Variants in FHIT observed in about 807,000 individuals in gnomAD.
FHIT encodes the protein bis(5'-adenosyl)-triphosphatase.
Under a neutral mutation model 17.9 loss-of-function variants are expected in FHIT, and 19 were observed. The ratio of observed to expected loss-of-function variants is 1.06; its 90% CI spans 0.74 to 1.56. FHIT has a LOEUF of 1.56. FHIT is among the 40% of genes most tolerant of loss of function. The pLI is 0.00. For missense variants in FHIT, 248 were observed against 189.2 expected (o/e 1.31, Z -1.82); for synonymous variants, 81 against 69.7 (o/e 1.16, Z -0.81).
At chr3:60,043,062 G>C (rs1398838377) in intron 5 of FHIT, among the ~76,000 whole-genome samples, 2 of 152,138 alleles carry the variant, frequency 1.3e-5, no homozygotes, top group African/African-American at 4.8e-5. Flanking sequence ...TTCAACCTGG[G>C]GGAAAGTGGA....
Position 60,924,053 on chromosome 3 carries a change from C to T in FHIT, c.-110-102042G>A, listed in dbSNP as rs536454736. 1.8e-4 allele frequency among the ~76,000 whole-genome samples: 28 copies of T among 152,266 alleles called. No individual in the cohort carries two copies. The South Asian group carries it at 3.7e-3, about 20-fold the overall frequency. The stretch of plus-strand genomic sequence containing the variant: ...CCGAGGCTTGAGTAGGTAAACAAAG[C>T]GGCCTGGAAGCTCGAACTCGGTGGA... On this transcript the variant is annotated intron_variant, in intron 3 of 9. Transcript: ENST00000492590.
chr3:61,186,704 G>C (rs1294359908), intron 2 of FHIT, among the ~76,000 whole-genome samples: 1 of 152,176 alleles, frequency 6.6e-6, no homozygotes, highest in African/African-American at 2.4e-5. Context: ...TTTGTCAAAT[G>C]AGTAAGCTAT....
At chr3:60,873,491 C>T (rs868974929) in intron 3 of FHIT, among the ~76,000 whole-genome samples, 4 of 152,178 alleles carry the variant, frequency 2.6e-5, no homozygotes, top group South Asian at 2.1e-4. Context: ...TGTGTTCTCC[C>T]GACAAAGGGC....
Position 59,857,405 on chromosome 3 carries a change from A to C in FHIT, c.348+64941T>G, listed in dbSNP as rs2106824559. 1.3e-5 allele frequency among the ~76,000 whole-genome samples: 2 copies of C among 152,190 alleles called. 1 individual carries two copies. Among genetic ancestry groups the C allele is most frequent in the South Asian group, 4.1e-4 (2 of 4,820 alleles). On this transcript the variant is annotated intron_variant, in intron 8 of 9. Transcript: ENST00000492590. ...TCTGGCCACTTCACTGCCTACCTGC[A>C]ACTCTCTACCACGTTCCTGACATAT... is the stretch of plus-strand genomic sequence containing the variant.
chr3:60,329,339 A>T lies in FHIT; in HGVS notation c.103+207521T>A, dbSNP rs529455409. ...AGCTGAAAGCAGCCTCCCTGTGTAC[A>T]GAAAATACCGTGTTCCTCACTAGAG... On this transcript the variant is annotated intron_variant, in intron 5 of 9. Coordinates refer to ENST00000492590, the MANE Select transcript of FHIT (RefSeq NM_002012.4). Among the ~76,000 whole-genome samples, 92 of 152,316 alleles carry T rather than the reference A, an allele frequency of 6.0e-4. 1 individual carries two copies. Among genetic ancestry groups the T allele is most frequent in the Non-Finnish European group, 1.9e-4 (13 of 68,030 alleles).
intron 3 of FHIT, among the ~76,000 whole-genome samples, chr3:60,875,729 A>G (rs1704618780): frequency 6.6e-6 from 1 of 152,174 alleles, no homozygotes; most frequent in African/African-American, 2.4e-5. Context: ...GATTTTCATA[A>G]CAATCCTACA....
chr3:59,985,971 A>C (rs918779849), intron 7 of FHIT, among the ~76,000 whole-genome samples: 5 of 152,064 alleles, frequency 3.3e-5, no homozygotes, highest in Admixed American at 2.6e-4. Flanking sequence ...AAAAAGAGGA[A>C]GAGGAGAGCA....
chr3:60,727,941 T>C (rs376601781), intron 4 of FHIT, among the ~76,000 whole-genome samples: 53 of 152,258 alleles, frequency 3.5e-4, no homozygotes, highest in African/African-American at 1.2e-3. Flanking sequence ...GAGGCAGAGC[T>C]TGCAGTGAGC....
chr3:60,923,892 C>T (rs75222342), intron 3 of FHIT, among the ~76,000 whole-genome samples: 15 of 152,204 alleles, frequency 9.9e-5, no homozygotes, highest in African/African-American at 2.7e-4. Context: ...TCTTAGCAAA[C>T]GGCACATCAG....
chr3:60,309,882 C>T (rs1708861836), intron 5 of FHIT, among the ~76,000 whole-genome samples: 1 of 152,146 alleles, frequency 6.6e-6, no homozygotes, highest in Admixed American at 6.6e-5. Flanking sequence ...TAGATTCTCA[C>T]TACATATTAC....
At chr3:60,383,433 A>G (rs1223027363) in intron 5 of FHIT, among the ~76,000 whole-genome samples, 1 of 152,114 alleles carries the variant, frequency 6.6e-6, no homozygotes, top group Non-Finnish European at 1.5e-5. Flanking sequence ...GTCTACTGAT[A>G]TTTTTGGTTC....
At chr3:60,763,910 A>G (rs532123802) in intron 4 of FHIT, among the ~76,000 whole-genome samples, 1 of 152,214 alleles carries the variant, frequency 6.6e-6, no homozygotes, top group African/African-American at 2.4e-5. Context: ...TTTTTCTGTA[A>G]AAAGTTGTGT....
chr3:60,391,787 C>A (rs1172346283), intron 5 of FHIT, among the ~76,000 whole-genome samples: 1 of 152,178 alleles, frequency 6.6e-6, no homozygotes, highest in Non-Finnish European at 1.5e-5. Flanking sequence ...AATATATCCC[C>A]TTCATCAAGC....
intron 4 of FHIT, among the ~76,000 whole-genome samples, chr3:60,630,786 G>C (rs77785131): frequency 6.6e-6 from 1 of 151,944 alleles, no homozygotes; most frequent in African/African-American, 2.4e-5. Flanking sequence ...CTATCTTGAC[G>C]TCCCTCTGGT....
At chr3:60,682,336 C>T (rs2040770318) in intron 4 of FHIT, among the ~76,000 whole-genome samples, 1 of 152,142 alleles carries the variant, frequency 6.6e-6, no homozygotes, top group Non-Finnish European at 1.5e-5. Context: ...TAGGATTTTC[C>T]TAGCTAGAGA....
At chr3:61,057,802 T>C (rs2034279149) in intron 2 of FHIT, among the ~76,000 whole-genome samples, 1 of 152,142 alleles carries the variant, frequency 6.6e-6, no homozygotes, top group African/African-American at 2.4e-5. Flanking sequence ...TCCAGCTAAA[T>C]TATTTCACCT....
chr3:61,023,497 A>T (rs2032569431), intron 3 of FHIT, among the ~76,000 whole-genome samples: 1 of 152,174 alleles, frequency 6.6e-6, no homozygotes, highest in African/African-American at 2.4e-5. Flanking sequence ...ACTACTTCAA[A>T]CTTCAAATGA....
chr3:61,017,245 C>A (rs959561311), intron 3 of FHIT, among the ~76,000 whole-genome samples: 1 of 152,136 alleles, frequency 6.6e-6, no homozygotes, highest in Non-Finnish European at 1.5e-5. Context: ...GCTGAGATTG[C>A]GCCACTGCAC....
At chr3:59,999,452 T>C (rs1181391441) in intron 7 of FHIT, among the ~76,000 whole-genome samples, 2 of 152,144 alleles carry the variant, frequency 1.3e-5, no homozygotes, top group Admixed American at 6.6e-5. Context: ...TAGCATGTGA[T>C]GAGTATTGCA....
Sources: gnomAD v4.1 joint callset for allele counts (sites outside exome capture counted in the v4.1 genomes callset) on GRCh38, gnomAD v4.1.1 for gene constraint, MANE v1.5 for transcripts, NCBI Gene and HGNC (gene_info 2026-07-23, HGNC 2026-07-21) for gene names.